RFT1: variants seen among roughly 807,000 people sequenced by gnomAD.
RFT1 encodes RFT1 glycolipid translocator homolog, also known as man(5)GlcNAc(2)-PP-dolichol translocation protein RFT1.
In RFT1, 43 loss-of-function variants were observed where a neutral mutation model predicts 62.2. The observed-to-expected ratio is 0.69, with a 90% CI of 0.54 to 0.89. The LOEUF (loss-of-function observed/expected upper bound fraction) is 0.89. Among genes scored for constraint, RFT1 ranks in the 40% least tolerant of loss-of-function variants. The pLI, the probability that RFT1 is intolerant of heterozygous loss-of-function variation, is 0.00. For synonymous variants in RFT1, 262 were observed against 264.6 expected, an observed-to-expected ratio of 0.99 and a Z score of 0.10; for missense variants, 605 against 649.9, an observed-to-expected ratio of 0.93 and a Z score of 0.75.
chr3:53,120,904 C>T (rs1422336628), intron 5 of RFT1, among the ~76,000 whole-genome samples: 1 of 152,244 alleles, frequency 6.6e-6, no homozygotes, highest in Non-Finnish European at 1.5e-5. Flanking sequence ...AGCCTTCTTT[C>T]TTCATGCTCC....
downstream of RFT1, among the ~76,000 whole-genome samples, chr3:53,086,749 TC>T (rs759115435): frequency 4.4e-4 from 67 of 152,326 alleles, no homozygotes; most frequent in Non-Finnish European, 5.6e-4. Flanking sequence ...CCTCCCGGCT[TC>T]CAGTGTGCCT....
the RFT1 span, among the ~76,000 whole-genome samples, chr3:53,071,423 C>T: frequency 2.0e-5 from 3 of 152,166 alleles, no homozygotes; most frequent in African/African-American, 7.2e-5. Flanking sequence ...CAGGACTCTG[C>T]CCAAGTCCCT....
chr3:53,069,957 C>T, the RFT1 span, among the ~76,000 whole-genome samples: 1 of 152,150 alleles, frequency 6.6e-6, no homozygotes, highest in African/African-American at 2.4e-5. Flanking sequence ...CAGACTACTC[C>T]CCACTGTGCC....
intron 6 of RFT1, among the ~76,000 whole-genome samples, chr3:53,116,076 A>G (rs777722133): frequency 3.1e-4 from 47 of 152,228 alleles, no homozygotes; most frequent in Admixed American, 2.9e-3. Flanking sequence ...TTAATTTATT[A>G]TAAGGTTAAA....
At chr3:53,118,493 T>C (rs569690273) in intron 6 of RFT1, among the ~76,000 whole-genome samples, 2 of 152,318 alleles carry the variant, frequency 1.3e-5, no homozygotes, top group South Asian at 2.1e-4. Flanking sequence ...CTTTGATACA[T>C]AGGATCTAGT....
rs764340283 is a variant in RFT1 at position 53,100,523 on chromosome 3, C to T, written c.1103-1037G>A. Among the ~76,000 whole-genome samples the T allele has an allele frequency of 3.5e-4, 53 of 152,090 alleles. 1 individual carries two copies. Among genetic ancestry groups the T allele is most frequent in the Non-Finnish European group, 1.0e-4 (7 of 68,028 alleles). On this transcript the variant is annotated intron_variant, in intron 10 of 12. Transcript: ENST00000296292. Reference sequence around the variant, plus strand: ...TTTGATTCATAATAGCCAAAACTGACCATCAACAGAAGAAAGAATAAACAA... The same window carrying T: ...TTTGATTCATAATAGCCAAAACTGATCATCAACAGAAGAAAGAATAAACAA...
At chr3:53,072,700 C>T in the RFT1 span, among the ~76,000 whole-genome samples, 1 of 152,224 alleles carries the variant, frequency 6.6e-6, no homozygotes, top group Non-Finnish European at 1.5e-5. Context: ...AGTGGACTTT[C>T]GGACGCATCG....
In RFT1 at chr3:53,125,919, C is replaced by CTTACATT; in HGVS notation, c.138_139insAATGTAA (p.Val47AsnfsTer65). The CTTACATT allele has an allele frequency of 6.2e-7, 1 of 1,613,592 alleles. No individual in the cohort carries two copies. Among genetic ancestry groups the CTTACATT allele is most frequent in the Non-Finnish European group, 8.5e-7 (1 of 1,179,638 alleles). On this transcript the variant is annotated frameshift_variant, in exon 2 of 13. Transcript: ENST00000296292. LOFTEE classifies it high-confidence loss of function. ...TGCATCTCCTCCTACCTTACATTTA[C>CTTACATT]TACGCCAACGATTTCCTTTGACAGG... is the stretch of plus-strand genomic sequence containing the variant.
At chr3:53,129,574 T>C (rs895239367) in intron 1 of RFT1, among the ~76,000 whole-genome samples, 5 of 152,152 alleles carry the variant, frequency 3.3e-5, no homozygotes, top group African/African-American at 1.2e-4. Context: ...ACTGAGCCAC[T>C]TGACTTAAGA....
At chr3:53,096,210 C>T (rs1575481345) in intron 11 of RFT1, among the ~76,000 whole-genome samples, 1 of 152,168 alleles carries the variant, frequency 6.6e-6, no homozygotes, top group East Asian at 1.9e-4. Context: ...TCCCATCTGT[C>T]TTATTCATTG....
chr3:53,108,836 T>A (rs1478061792), intron 7 of RFT1, among the ~76,000 whole-genome samples: 3 of 151,864 alleles, frequency 2.0e-5, no homozygotes, highest in Admixed American at 2.0e-4. Flanking sequence ...GCCCAGCTAA[T>A]TTTTGTATTT....
At chr3:53,127,223 CCTGA>C (rs770672926) in intron 1 of RFT1, among the ~76,000 whole-genome samples, 7 of 151,330 alleles carry the variant, frequency 4.6e-5, no homozygotes, top group Non-Finnish European at 2.9e-5. Flanking sequence ...TCGAGACCTG[CCTGA>C]CTAACATGGT....
At chr3:53,105,399 G>A (rs533410338) in intron 9 of RFT1, among the ~76,000 whole-genome samples, 11 of 112,914 alleles carry the variant, frequency 9.7e-5, no homozygotes, top group African/African-American at 3.3e-4. Flanking sequence ...GGGCGTCAGA[G>A]CAAGACTCTA....
intron 1 of RFT1, among the ~76,000 whole-genome samples, chr3:53,128,028 T>C (rs539682701): frequency 6.6e-6 from 1 of 151,558 alleles, no homozygotes; most frequent in Non-Finnish European, 1.5e-5. Context: ...CCGAGCGCGG[T>C]AGCTCACACC....
At chr3:53,072,464 C>T in the RFT1 span, among the ~76,000 whole-genome samples, 2 of 152,188 alleles carry the variant, frequency 1.3e-5, no homozygotes, top group Admixed American at 6.5e-5. Context: ...CTCGTAGGTG[C>T]GGTCAGGTGA....
At chr3:53,118,055 A>C (rs764898259) in intron 6 of RFT1, among the ~76,000 whole-genome samples, 5 of 152,206 alleles carry the variant, frequency 3.3e-5, no homozygotes, top group African/African-American at 4.8e-5. Context: ...ATACCCAGCT[A>C]ATTAAAAAAA....
intron 10 of RFT1, among the ~76,000 whole-genome samples, chr3:53,101,940 G>C (rs1442850869): frequency 6.6e-6 from 1 of 152,038 alleles, no homozygotes; most frequent in African/African-American, 2.4e-5. Context: ...TCGGGAGGCT[G>C]AGGCGGGAGT....
intron 2 of RFT1, among the ~76,000 whole-genome samples, chr3:53,124,144 A>G (rs553628213): frequency 1.3e-5 from 2 of 152,342 alleles, no homozygotes; most frequent in African/African-American, 4.8e-5. Context: ...CATGACCATA[A>G]GGAGGAGAAG....
At chr3:53,072,965 G>C in the RFT1 span, among the ~76,000 whole-genome samples, 1 of 152,340 alleles carries the variant, frequency 6.6e-6, no homozygotes, top group African/African-American at 2.4e-5. Context: ...TTTCCTGGGG[G>C]TGAAGCCGAG....
Sources: allele counts gnomAD v4.1 joint callset (sites outside exome capture counted in the v4.1 genomes callset), GRCh38; gene constraint gnomAD v4.1.1; transcripts MANE v1.5; gene names NCBI Gene and HGNC (gene_info 2026-07-23, HGNC 2026-07-21).